Variants in DMBT1 observed in about 807,000 individuals in gnomAD.
DMBT1 encodes scavenger receptor cysteine-rich domain-containing protein DMBT1.
DMBT1 carries 198 observed loss-of-function variants against 252.9 expected under a neutral mutation model. That is an observed-to-expected ratio of 0.78 (90% CI 0.70 to 0.88). The LOEUF is 0.88. DMBT1 is among the 40% of genes least tolerant of loss of function. DMBT1 has a pLI of 0.00. For synonymous variants in DMBT1, 990 were observed against 942.7 expected, an observed-to-expected ratio of 1.05 and a Z score of -0.92; for missense variants, 2,432 against 2,404.7, an observed-to-expected ratio of 1.01 and a Z score of -0.24.
chr10:122,619,424 C>T, intron 42 of DMBT1, 87 bp downstream of exon 42: 11 of 1,556,302 alleles, frequency 7.1e-6, no homozygotes, highest in Non-Finnish European at 9.7e-6. Flanking sequence ...TCCTGCTTTT[C>T]TGTGCGGATA....
intron 53 of DMBT1, among the ~76,000 whole-genome samples, chr10:122,636,426 G>C (rs1362889303): frequency 6.8e-6 from 1 of 146,834 alleles, no homozygotes; most frequent in Non-Finnish European, 1.5e-5. Flanking sequence ...GTCTTACTGT[G>C]GTCAGCAGAG....
In DMBT1 at chr10:122,598,760, G is replaced by C; in HGVS notation, c.2957-14G>C. ...TGATAGGGATGGATGAAGGATTCTT[G>C]TGTTCCCCTGTAGGATCTGAATCCA... On this transcript the variant is annotated splice_polypyrimidine_tract_variant and intron_variant, in intron 25 of 55. Coordinates refer to ENST00000338354, the MANE Select transcript of DMBT1 (RefSeq NM_001377530.1). The C allele has an allele frequency of 6.2e-7, 1 of 1,612,738 alleles. No individual in the cohort carries two copies. The highest frequency in any genetic ancestry group is 1.7e-5 in the Admixed American group (1 of 60,022).
At chr10:122,580,920 A>C (rs77474728) in intron 11 of DMBT1, 25 bp downstream of exon 11, 37,403 of 1,570,286 alleles carry the variant, frequency 0.024, no homozygotes, top group Admixed American at 0.086. Flanking sequence ...TCCTTCCTCA[A>C]AATGTCCCTT....
rs773647369 is a variant in DMBT1, at chr10:122,643,285, G to A, written c.7516G>A (p.Gly2506Ser). The A allele has an allele frequency of 6.2e-6, 10 of 1,613,872 alleles. No individual in the cohort carries two copies. The African/African-American group carries it at 9.3e-5, about 15-fold the overall frequency. ...AYDPSSRCYR[G>S]CVLRSKRDVG... Reference sequence around the variant, plus strand: ...TGACCCCTCTTCCCGCTGCTACCGAGGCTGTGTGTTGAGGTCGAAGAGGGA... The same window carrying A: ...TGACCCCTCTTCCCGCTGCTACCGAAGCTGTGTGTTGAGGTCGAAGAGGGA... The change falls in exon 56 of 56, where the codon GGC (glycine) becomes AGC (serine). Residue 2506 changes from glycine (G) to serine (S), a missense_variant. Physicochemically the swap from Gly to Ser is moderately conservative, Grantham distance 56 (BLOSUM62 0). This residue lies in a region of DMBT1 where 1,162 missense variants were observed against 1,169.0 expected (regional missense o/e 0.99). Coordinates refer to ENST00000338354, the MANE Select transcript of DMBT1 (RefSeq NM_001377530.1).
intron 26 of DMBT1, among the ~76,000 whole-genome samples, chr10:122,599,557 C>T (rs1343397750): frequency 6.6e-6 from 1 of 152,186 alleles, no homozygotes; most frequent in Non-Finnish European, 1.5e-5. Context: ...GTTAGGAGTG[C>T]AAATGGGTGT....
chr10:122,597,869 G>C, intron 24 of DMBT1, 105 bp from the exon 25 acceptor site: 3 of 1,556,954 alleles, frequency 1.9e-6, no homozygotes, highest in Non-Finnish European at 2.7e-6. Context: ...GCAGGAACCA[G>C]AAGTGGGGTA....
rs111482587 is a variant in DMBT1, at chr10:122,586,491, T to G, written c.1783+108T>G. The G allele has an allele frequency of 1.4e-4, 199 of 1,466,092 alleles. 13 individuals are homozygous for G. In the African/African-American group the frequency reaches 2.2e-3, roughly 16 times the overall value. 90.8% of individuals were successfully genotyped at this position (1,466,092 alleles called of 1,614,324 possible). On this transcript the variant is annotated intron_variant, in intron 16 of 55. Coordinates refer to ENST00000338354, the MANE Select transcript of DMBT1 (RefSeq NM_001377530.1). ...AGAGCTTTTTCAACTTTTCCTATAT[T>G]TCTGATACCTCCTTAGCTCTCTCCT... is the stretch of plus-strand genomic sequence containing the variant.
At position 122,579,797 on chromosome 10, in the gene DMBT1, A is replaced by G; in HGVS notation, c.899A>G (p.Asp300Gly). The change falls in exon 10 of 56, where the codon GAT becomes GGT. Residue 300 changes from aspartate to glycine, a missense_variant. Physicochemically the swap from Asp to Gly is moderately conservative, Grantham distance 94 (BLOSUM62 -1). This residue lies in a region of DMBT1 where 1,264 missense variants were observed against 1,082.2 expected (regional missense o/e 1.17). Coordinates refer to ENST00000338354, the MANE Select transcript of DMBT1 (RefSeq NM_001377530.1). Reference protein sequence around the residue: ...GQGSGPIVLDDVRCSGHESYL... With the variant: ...GQGSGPIVLDGVRCSGHESYL... ...GGCTCAGGACCCATTGTCCTGGATG[A>G]TGTGCGCTGCTCAGGACATGAGTCC... is the stretch of plus-strand genomic sequence containing the variant. The G allele has an allele frequency of 6.2e-7, 1 of 1,607,330 alleles. No homozygotes were observed. The highest frequency in any genetic ancestry group is 8.5e-7 in the Non-Finnish European group (1 of 1,173,818).
intron 27 of DMBT1, 100 bp from the exon 28 acceptor site, chr10:122,600,891 G>T: frequency 3.1e-6 from 2 of 645,676 alleles, no homozygotes; most frequent in Non-Finnish European, 5.6e-6. Flanking sequence ...AACAGGAAGT[G>T]GAATTGTTGC....
chr10:122,569,404 G>A (rs2097639722), intron 2 of DMBT1, among the ~76,000 whole-genome samples: 1 of 152,208 alleles, frequency 6.6e-6, no homozygotes, highest in African/African-American at 2.4e-5. Flanking sequence ...ATGGAAAAGA[G>A]AACTTCTCCT....
intron 16 of DMBT1, among the ~76,000 whole-genome samples, chr10:122,587,865 A>G (rs1285167994): frequency 6.7e-6 from 1 of 148,280 alleles, no homozygotes; most frequent in Non-Finnish European, 1.5e-5. Flanking sequence ...GTGTCAGTGG[A>G]TGGGGCAGGC....
At chr10:122,564,431 C>T (rs981747837) in intron 1 of DMBT1, among the ~76,000 whole-genome samples, 4 of 152,182 alleles carry the variant, frequency 2.6e-5, no homozygotes, top group African/African-American at 4.8e-5. Context: ...GAGCAAGACT[C>T]TATCTCTAAA....
chr10:122,599,652 C>G (rs769997690), intron 26 of DMBT1, among the ~76,000 whole-genome samples: 3 of 152,172 alleles, frequency 2.0e-5, no homozygotes, highest in Non-Finnish European at 4.4e-5. Context: ...TGCCTGTGCC[C>G]CAGGTCTGGT....
Position 122,640,096 on chromosome 10 carries a change from C to T in DMBT1, c.6999C>T (p.Gly2333=), listed in dbSNP as rs1167164946. ...SNFLTAAVSG[G]IIKRRTDLRI... is the part of the protein sequence containing the mutation. ...TCCTCACAGCAGCTGTCTCAGGTGG[C>T]ATCATCAAGAGGAGGACAGACCTCC... The change falls in exon 55 of 56, where the codon GGC becomes GGT. Residue 2333 remains glycine (G), a synonymous_variant. Coordinates refer to ENST00000338354, the MANE Select transcript of DMBT1 (RefSeq NM_001377530.1). 6.2e-7 allele frequency: 1 copy of T among 1,614,008 alleles called. No individual in the cohort carries two copies. Among genetic ancestry groups the T allele is most frequent in the Admixed American group, 1.7e-5 (1 of 60,026 alleles).
chr10:122,636,250 C>A, intron 53 of DMBT1, 51 bp downstream of exon 53: 2 of 1,478,250 alleles, frequency 1.4e-6, no homozygotes, highest in Non-Finnish European at 1.9e-6. Context: ...ATCCTGAGAG[C>A]ATCTGTGGCT....
intron 41 of DMBT1, 102 bp from the exon 42 acceptor site, chr10:122,619,206 T>C: frequency 6.9e-7 from 1 of 1,442,134 alleles, no homozygotes; most frequent in Non-Finnish European, 9.8e-7. Flanking sequence ...GGGACTAGGA[T>C]GGACTGAGTG....
At chr10:122,564,958 GAAAATGAA>G (rs1191066201) in intron 1 of DMBT1, among the ~76,000 whole-genome samples, 1 of 151,852 alleles carries the variant, frequency 6.6e-6, no homozygotes, top group Non-Finnish European at 1.5e-5. Context: ...ATCACAAGTA[GAAAATGAA>G]AAAATTTGAA....
chr10:122,590,546 C>A (rs909129844), intron 17 of DMBT1, 119 bp from the exon 18 acceptor site: 3 of 1,264,802 alleles, frequency 2.4e-6, no homozygotes, highest in African/African-American at 2.8e-5. Flanking sequence ...AATGCCCCTC[C>A]CTCTGTGATG....
At chr10:122,617,294 C>T (rs747010981) in intron 40 of DMBT1, 34 bp downstream of exon 40, 1 of 1,602,506 alleles carries the variant, frequency 6.2e-7, no homozygotes, top group Non-Finnish European at 8.5e-7. Context: ...CTAGGGCTCA[C>T]TATCTCTGGA....
Sources: gnomAD v4.1 joint callset for allele counts (sites outside exome capture counted in the v4.1 genomes callset) on GRCh38, gnomAD v4.1.1 for gene constraint, gnomAD v4.1.1 regional missense constraint, MANE v1.5 for transcripts, NCBI Gene and HGNC (gene_info 2026-07-23, HGNC 2026-07-21) for gene names.